The following SEH1L variants were observed in gnomAD, a reference collection of about 807,000 sequenced individuals.
SEH1L encodes SEH1 like nucleoporin, also known as nucleoporin SEH1.
A neutral mutation model predicts 49.5 loss-of-function variants in SEH1L; 18 were observed. The observed-to-expected ratio is 0.36, with a 90% CI of 0.25 to 0.54. The LOEUF is 0.54. SEH1L is among the 20% of genes least tolerant of loss of function. The pLI, the probability that SEH1L is intolerant of heterozygous loss-of-function variation, is 0.87. For synonymous variants in SEH1L, 169 were observed against 178.1 expected, an observed-to-expected ratio of 0.95 and a Z score of 0.41; for missense variants, 404 against 528.8, an observed-to-expected ratio of 0.76 and a Z score of 2.31.
chr18:12,983,224 G>T (rs1471264123), intron 7 of SEH1L: 1 of 152,342 alleles, frequency 6.6e-6, no homozygotes, highest in Non-Finnish European at 1.5e-5. Context: ...TTATCCATTA[G>T]GCAGAGATGT....
chr18:12,964,142 A>G (rs773091267), intron 4 of SEH1L, among the ~76,000 whole-genome samples: 2 of 152,244 alleles, frequency 1.3e-5, no homozygotes, highest in African/African-American at 2.4e-5. Context: ...GAGCATGACT[A>G]TATGAATATT....
At chr18:12,954,088 AGG>A (rs2030710756) in intron 2 of SEH1L, among the ~76,000 whole-genome samples, 2 of 152,270 alleles carry the variant, frequency 1.3e-5, no homozygotes, top group African/African-American at 4.8e-5. Context: ...TTAAAAAAAA[AGG>A]GTGCAAAATG....
intron 2 of SEH1L, among the ~76,000 whole-genome samples, chr18:12,953,430 C>T (rs2030667936): frequency 6.6e-6 from 1 of 152,196 alleles, no homozygotes; most frequent in Non-Finnish European, 1.5e-5. Context: ...GAAACTCTTC[C>T]AAAGTGGCTG....
At chr18:12,972,702 G>A (rs1170585597) in intron 5 of SEH1L, 1 of 152,226 alleles carries the variant, frequency 6.6e-6, no homozygotes, top group African/African-American at 2.4e-5. Flanking sequence ...TCTGCAGAGA[G>A]GCTCAGTCTT....
At chr18:12,962,902 T>G (rs1445238329) in intron 3 of SEH1L, among the ~76,000 whole-genome samples, 1 of 152,000 alleles carries the variant, frequency 6.6e-6, no homozygotes, top group Non-Finnish European at 1.5e-5. Context: ...ATAACAAAGG[T>G]AGGCTTTTGG....
intron 3 of SEH1L, among the ~76,000 whole-genome samples, chr18:12,956,226 A>G (rs574250166): frequency 3.9e-5 from 6 of 151,982 alleles, no homozygotes; most frequent in Non-Finnish European, 5.9e-5. Context: ...TTGCATTTTT[A>G]GTAGAGACGG....
rs548957025 is a variant in SEH1L, at chr18:12,970,614, A to G, written c.522-539A>G. 1.8e-3 allele frequency among the ~76,000 whole-genome samples: 269 copies of G among 152,182 alleles called. 3 individuals carry two copies. The highest frequency in any genetic ancestry group is 6.2e-3 in the African/African-American group (258 of 41,518). ...AAACAAATTTTTTTTTTGTAGAGAT[A>G]GAGTCTTATTATGTGGCCCAGGTTC... On this transcript the variant is annotated intron_variant, in intron 4 of 8. Coordinates refer to ENST00000399892, the MANE Select transcript of SEH1L (RefSeq NM_001013437.2).
At position 12,986,944 on chromosome 18, in the gene SEH1L, C is replaced by A; in HGVS notation, c.1153C>A (p.Pro385Thr). 1.2e-6 allele frequency: 2 copies of A among 1,613,934 alleles called. No individual in the cohort carries two copies. Among genetic ancestry groups the A allele is most frequent in the South Asian group, 2.2e-5 (2 of 91,068 alleles). The change falls in exon 9 of 9, where the codon CCT (proline) becomes ACT (threonine). Residue 385 changes from proline (P) to threonine (T), a missense_variant. Pro to Thr is a conservative substitution (Grantham distance 38). This residue lies in a region of SEH1L where 342 missense variants were observed against 430.8 expected (regional missense o/e 0.79). Coordinates refer to ENST00000399892, the MANE Select transcript of SEH1L (RefSeq NM_001013437.2). ...CCAGCTCCTTCCTCCTCCTCCTCCTCCTCTGGTAGAGCACTCTTGCGATGC... is the reference window on the plus strand; with the variant it reads ...CCAGCTCCTTCCTCCTCCTCCTCCTACTCTGGTAGAGCACTCTTGCGATGC... ...YAQLLPPPPP[P>T]LVEHSCDADT... is the part of the protein sequence containing the mutation.
intron 3 of SEH1L, among the ~76,000 whole-genome samples, chr18:12,956,049 C>CTT (rs869047416): frequency 3.0e-5 from 4 of 133,932 alleles, no homozygotes; most frequent in African/African-American, 2.7e-5. Context: ...TAATAAAATT[C>CTT]TTTTTTTTTT....
At chr18:12,985,859 G>A in intron 8 of SEH1L, 1 of 966,272 alleles carries the variant, frequency 1.0e-6, no homozygotes, top group Non-Finnish European at 1.2e-6. Flanking sequence ...TAAAATGAAA[G>A]GAACTTGACT....
chr18:12,971,106 T>C, intron 4 of SEH1L, 47 bp from the exon 5 acceptor site: 1 of 1,308,322 alleles, frequency 7.6e-7, no homozygotes, highest in Non-Finnish European at 1.1e-6. Flanking sequence ...GTGAATGAAA[T>C]GTGTATTTCT....
intron 7 of SEH1L, 52 bp from the exon 8 acceptor site, chr18:12,983,988 C>T: frequency 6.8e-7 from 1 of 1,459,872 alleles, no homozygotes. Context: ...AGATTTGTGC[C>T]CTTAGGCATT....
rs2030228030 is a variant in SEH1L, at chr18:12,948,110, C to G, written c.-12C>G. ...CACTGTCCTCTTCGGAGGCGCGGGC[C>G]CGACGGAAACCATGTTTGTGGCTCG... On this transcript the variant is annotated 5_prime_UTR_variant, in exon 1 of 9. Transcript: ENST00000399892. The G allele has an allele frequency of 6.2e-7, 1 of 1,604,864 alleles. No homozygotes were observed. Among genetic ancestry groups the G allele is most frequent in the African/African-American group, 1.3e-5 (1 of 74,188 alleles).
intron 1 of SEH1L, among the ~76,000 whole-genome samples, chr18:12,950,480 T>C (rs2030451955): frequency 6.6e-6 from 1 of 152,236 alleles, no homozygotes; most frequent in South Asian, 2.1e-4. Context: ...GTGTTAATAT[T>C]TATTGATTTC....
chr18:12,948,468 C>T (rs2030260452), intron 1 of SEH1L: 2 of 386,606 alleles, frequency 5.2e-6, no homozygotes, highest in Middle Eastern at 6.9e-4. Context: ...GTGCGCGCTC[C>T]CGCCCGCAGG....
chr18:12,983,809 A>G (rs534218140), intron 7 of SEH1L, among the ~76,000 whole-genome samples: 1 of 152,352 alleles, frequency 6.6e-6, no homozygotes, highest in East Asian at 1.9e-4. Context: ...ATGGGTGGTG[A>G]AAGCTTTATA....
intron 4 of SEH1L, among the ~76,000 whole-genome samples, chr18:12,966,980 A>G (rs1224049199): frequency 1.3e-5 from 2 of 152,002 alleles, no homozygotes; most frequent in African/African-American, 2.4e-5. Context: ...AATTGTTCAG[A>G]GTTTCTTTTT....
chr18:12,957,340 A>G (rs2030927929), intron 3 of SEH1L, among the ~76,000 whole-genome samples: 1 of 152,040 alleles, frequency 6.6e-6, no homozygotes, highest in South Asian at 2.1e-4. Context: ...AGGCAGGAGA[A>G]TCGCTTGAAC....
intron 8 of SEH1L, chr18:12,985,677 T>C: frequency 1.0e-6 from 1 of 956,732 alleles, no homozygotes; most frequent in Non-Finnish European, 1.2e-6. Context: ...GATGAACTTT[T>C]ATAATTTTAA....
Sources: gnomAD v4.1 joint callset for allele counts (sites outside exome capture counted in the v4.1 genomes callset) on GRCh38, gnomAD v4.1.1 for gene constraint, gnomAD v4.1.1 regional missense constraint, MANE v1.5 for transcripts, NCBI Gene and HGNC (gene_info 2026-07-23, HGNC 2026-07-21) for gene names.